MGMT: variants seen among roughly 807,000 people sequenced by gnomAD.
The protein encoded by MGMT is O-6-methylguanine-DNA methyltransferase.
A neutral mutation model predicts 15.9 loss-of-function variants in MGMT; 14 were observed. The ratio of observed to expected loss-of-function variants is 0.88; its 90% CI spans 0.58 to 1.37. MGMT has a LOEUF of 1.37. Among genes scored for constraint, MGMT ranks in the 40% most tolerant of loss-of-function variants. The pLI is 0.00. For synonymous variants in MGMT, 130 were observed against 118.2 expected (o/e 1.10, Z -0.65); for missense variants, 282 against 268.1 (o/e 1.05, Z -0.36).
chr10:129,644,299 A>C (rs1013138963), intron 2 of MGMT, among the ~76,000 whole-genome samples: 2 of 152,212 alleles, frequency 1.3e-5, no homozygotes, highest in Non-Finnish European at 2.9e-5. Flanking sequence ...GAGTACAGTG[A>C]GGCCACACAA....
chr10:129,624,702 C>T (rs541876620), intron 2 of MGMT, among the ~76,000 whole-genome samples: 13 of 152,256 alleles, frequency 8.5e-5, no homozygotes, highest in East Asian at 1.9e-4. Flanking sequence ...ATGCCCAGTG[C>T]GGCGGCGAGG....
At chr10:129,531,206 G>T (rs1458993180) in intron 1 of MGMT, among the ~76,000 whole-genome samples, 6 of 152,166 alleles carry the variant, frequency 3.9e-5, no homozygotes, top group Admixed American at 3.9e-4. Flanking sequence ...ACTGGAGTCA[G>T]ACGTCTTTCT....
intron 2 of MGMT, 133 bp from the exon 3 acceptor site, chr10:129,707,762 C>G (rs1848181783): frequency 8.2e-7 from 1 of 1,222,668 alleles, no homozygotes. Context: ...TTCTGCTGCA[C>G]AGCTAGTTGA....
intron 2 of MGMT, among the ~76,000 whole-genome samples, chr10:129,555,083 C>A (rs551692570): frequency 6.6e-6 from 1 of 152,226 alleles, no homozygotes; most frequent in African/African-American, 2.4e-5. Flanking sequence ...CAACTGCTGC[C>A]GTTGATGAGG....
intron 1 of MGMT, among the ~76,000 whole-genome samples, chr10:129,505,126 A>G (rs1762417): frequency 0.78 from 119,161 of 152,090 alleles, 47,959 homozygotes; most frequent in East Asian, 0.95. Flanking sequence ...AGTATTGGGA[A>G]AGAATTGCTC....
chr10:129,736,617 G>T (rs113011998), intron 3 of MGMT, among the ~76,000 whole-genome samples: 5 of 151,920 alleles, frequency 3.3e-5, no homozygotes, highest in Non-Finnish European at 7.4e-5. Context: ...ATGTTAGCTG[G>T]TTATTTTGCT....
At chr10:129,585,090 C>A (rs1293130184) in intron 2 of MGMT, among the ~76,000 whole-genome samples, 1 of 152,140 alleles carries the variant, frequency 6.6e-6, no homozygotes, top group Admixed American at 6.5e-5. Flanking sequence ...ACATTCCTGC[C>A]AGCAATGTAT....
In MGMT at chr10:129,559,952, G is replaced by A. The variant is rs553379658; in HGVS notation, c.125+23575G>A. ...TGGATGGTCAGCATGGAAGGTTGAC[G>A]TGCTCCAAGATTTACTGTGCGTCAC... On this transcript the variant is annotated intron_variant, in intron 2 of 4. Coordinates refer to ENST00000651593, the MANE Select transcript of MGMT (RefSeq NM_002412.5). Among the ~76,000 whole-genome samples the A allele has an allele frequency of 1.2e-4, 18 of 152,268 alleles. No individual in the cohort carries two copies. The South Asian group carries it at 2.3e-3, about 19-fold the overall frequency.
intron 2 of MGMT, among the ~76,000 whole-genome samples, chr10:129,679,158 A>G (rs1162301806): frequency 6.6e-6 from 1 of 152,196 alleles, no homozygotes; most frequent in Non-Finnish European, 1.5e-5. Flanking sequence ...AGCTCTTACA[A>G]GCAAGCAGTT....
chr10:129,660,051 G>GT (rs1351935403), intron 2 of MGMT, among the ~76,000 whole-genome samples: 2 of 152,108 alleles, frequency 1.3e-5, no homozygotes, highest in Non-Finnish European at 2.9e-5. Context: ...CGACATTTTG[G>GT]TTTTTTACTG....
intron 2 of MGMT, among the ~76,000 whole-genome samples, chr10:129,538,311 A>G (rs1242198669): frequency 6.6e-6 from 1 of 152,178 alleles, no homozygotes; most frequent in Non-Finnish European, 1.5e-5. Flanking sequence ...CTCTTTGTGA[A>G]TTTTTGTTTC....
chr10:129,638,236 G>A (rs1312115344), intron 2 of MGMT, among the ~76,000 whole-genome samples: 1 of 151,930 alleles, frequency 6.6e-6, no homozygotes, highest in Non-Finnish European at 1.5e-5. Context: ...TTCCTGAAGT[G>A]GAGAGGTGGG....
At chr10:129,617,220 T>C (rs1040799269) in intron 2 of MGMT, among the ~76,000 whole-genome samples, 14 of 152,182 alleles carry the variant, frequency 9.2e-5, no homozygotes, top group African/African-American at 3.4e-4. Flanking sequence ...TGAGAACACA[T>C]CCATGTTGCT....
At chr10:129,490,643 A>C (rs1047879520) in intron 1 of MGMT, among the ~76,000 whole-genome samples, 1 of 152,166 alleles carries the variant, frequency 6.6e-6, no homozygotes, top group African/African-American at 2.4e-5. Flanking sequence ...AGTTTTAAAA[A>C]TATCCAGTTT....
At chr10:129,753,818 T>C (rs1238980612) in intron 3 of MGMT, among the ~76,000 whole-genome samples, 1 of 152,206 alleles carries the variant, frequency 6.6e-6, no homozygotes, top group African/African-American at 2.4e-5. Flanking sequence ...GGTGAGTTTA[T>C]TTTTCTGATT....
chr10:129,622,212 G>A (rs553819379), intron 2 of MGMT, among the ~76,000 whole-genome samples: 9 of 152,300 alleles, frequency 5.9e-5, no homozygotes, highest in African/African-American at 1.9e-4. Context: ...GACCTGAATC[G>A]AATGATTAGC....
chr10:129,582,099 C>G (rs891130773), intron 2 of MGMT, among the ~76,000 whole-genome samples: 1 of 152,188 alleles, frequency 6.6e-6, no homozygotes, highest in Admixed American at 6.5e-5. Context: ...ACAAGTGCTC[C>G]TTTTTTGAGT....
chr10:129,538,001 G>A (rs2119762960), intron 2 of MGMT, among the ~76,000 whole-genome samples: 1 of 152,264 alleles, frequency 6.6e-6, no homozygotes, highest in African/African-American at 2.4e-5. Context: ...CTAAAATTAG[G>A]TGTCTTGTGA....
intron 2 of MGMT, among the ~76,000 whole-genome samples, chr10:129,561,365 A>G (rs1374827962): frequency 6.6e-6 from 1 of 151,782 alleles, no homozygotes; most frequent in Non-Finnish European, 1.5e-5. Context: ...GAGCCTCCAC[A>G]CCCCAGCAGG....
Sources: gnomAD v4.1 joint callset for allele counts (sites outside exome capture counted in the v4.1 genomes callset) on GRCh38, gnomAD v4.1.1 for gene constraint, MANE v1.5 for transcripts, NCBI Gene and HGNC (gene_info 2026-07-23, HGNC 2026-07-21) for gene names.